The following FOXP2 variants were observed in gnomAD, a reference collection of about 807,000 sequenced individuals.
FOXP2 encodes the protein forkhead box P2.
In FOXP2, 12 loss-of-function variants were observed where a neutral mutation model predicts 115.8. The ratio of observed to expected loss-of-function variants is 0.10; its 90% confidence interval spans 0.07 to 0.17. FOXP2 has a LOEUF of 0.17. Among genes scored for constraint, FOXP2 ranks in the 10% least tolerant of loss-of-function variants. The pLI is 1.00. For missense variants in FOXP2, 629 were observed against 843.5 expected (o/e 0.75, Z 3.15); for synonymous variants, 328 against 297.7 (o/e 1.10, Z -1.05).
At chr7:114,338,077 T>C (rs1463261208) in intron 2 of FOXP2, among the ~76,000 whole-genome samples, 1 of 151,158 alleles carries the variant, frequency 6.6e-6, no homozygotes, top group Non-Finnish European at 1.5e-5. Flanking sequence ...AATGATAGCA[T>C]AGCTTTGGTA....
At chr7:114,187,549 C>A (rs893489288) in intron 1 of FOXP2, among the ~76,000 whole-genome samples, 1 of 152,196 alleles carries the variant, frequency 6.6e-6, no homozygotes, top group Non-Finnish European at 1.5e-5. Flanking sequence ...TTCCCTACAA[C>A]TCTTCTTCTG....
At chr7:114,451,069 T>A (rs987679237) in intron 2 of FOXP2, among the ~76,000 whole-genome samples, 2 of 152,102 alleles carry the variant, frequency 1.3e-5, no homozygotes, top group Non-Finnish European at 2.9e-5. Flanking sequence ...TGTTTTATAA[T>A]CATCAACTAA....
At chr7:114,623,890 T>C (rs1804388224) in intron 3 of FOXP2, among the ~76,000 whole-genome samples, 1 of 151,922 alleles carries the variant, frequency 6.6e-6, no homozygotes, top group Non-Finnish European at 1.5e-5. Flanking sequence ...TGCTAAAAGA[T>C]TGCGTTAAAT....
intron 1 of FOXP2, among the ~76,000 whole-genome samples, chr7:114,134,314 C>T (rs1791965344): frequency 6.6e-6 from 1 of 151,866 alleles, no homozygotes; most frequent in Non-Finnish European, 1.5e-5. Context: ...TGAGTGTAGT[C>T]CCTTGCTATA....
chr7:114,632,245 A>G (rs1434879525), intron 6 of FOXP2, among the ~76,000 whole-genome samples: 2 of 152,244 alleles, frequency 1.3e-5, no homozygotes, highest in African/African-American at 4.8e-5. Context: ...TTTCTCTCAA[A>G]TAACATTGCC....
chr7:114,654,449 G>T (rs929270759), intron 10 of FOXP2, among the ~76,000 whole-genome samples: 2 of 152,070 alleles, frequency 1.3e-5, no homozygotes, highest in South Asian at 2.1e-4. Context: ...TGTCATAAAG[G>T]TCATGGTATT....
At chr7:114,286,618 A>G (rs1194535788) in intron 1 of FOXP2, among the ~76,000 whole-genome samples, 1 of 152,074 alleles carries the variant, frequency 6.6e-6, no homozygotes, top group Non-Finnish European at 1.5e-5. Flanking sequence ...TAATGTAGAA[A>G]ATTTTATTGT....
At chr7:114,481,241 C>T (rs1286488293) in intron 2 of FOXP2, among the ~76,000 whole-genome samples, 2 of 150,724 alleles carry the variant, frequency 1.3e-5, no homozygotes, top group Non-Finnish European at 3.0e-5. Context: ...CCCTCCTGCC[C>T]CCTCATGTAC....
intron 1 of FOXP2, among the ~76,000 whole-genome samples, chr7:114,199,442 A>C (rs1794001835): frequency 6.6e-6 from 1 of 152,180 alleles, no homozygotes; most frequent in Non-Finnish European, 1.5e-5. Context: ...TCAATACCAG[A>C]TATATTATCT....
At chr7:114,681,165 A>G (rs555965483) in intron 16 of FOXP2, among the ~76,000 whole-genome samples, 1 of 152,314 alleles carries the variant, frequency 6.6e-6, no homozygotes, top group South Asian at 2.1e-4. Context: ...TGTGCCTTAT[A>G]TATAGAAGAT....
At chr7:114,087,573 G>T (rs1292085148), upstream of FOXP2, among the ~76,000 whole-genome samples, 6 of 150,116 alleles carry the variant, frequency 4.0e-5, no homozygotes, top group African/African-American at 1.5e-4. Context: ...GCAGGCGGGC[G>T]GGCAGAGCGC....
In FOXP2 at chr7:114,642,616, C is replaced by G; in HGVS notation, c.982C>G (p.Arg328Gly). ...NGQSSVLSAR[R>G]DSSSHEETGA... Reference sequence around the variant, plus strand: ...ACAGTCTTCAGTTCTAAGTGCAAGACGAGACAGGTAAATCTCATGAGCTTT... The same window carrying G: ...ACAGTCTTCAGTTCTAAGTGCAAGAGGAGACAGGTAAATCTCATGAGCTTT... The change falls in exon 7 of 17, where the codon CGA becomes GGA. Residue 328 changes from arginine (R) to glycine (G), a missense_variant. Around this residue, in one of 9 missense-constraint regions of FOXP2, gnomAD observed 92 missense variants for 80.1 expected, o/e 1.15. Coordinates refer to ENST00000350908, the MANE Select transcript of FOXP2 (RefSeq NM_014491.4). The G allele has an allele frequency of 6.2e-7, 1 of 1,612,124 alleles. No homozygotes were observed.
At chr7:114,219,955 C>T (rs985471645) in intron 1 of FOXP2, among the ~76,000 whole-genome samples, 5 of 151,978 alleles carry the variant, frequency 3.3e-5, no homozygotes, top group African/African-American at 9.7e-5. Flanking sequence ...CAACCTCCGC[C>T]TCCCGGGTTC....
At chr7:114,534,848 T>C in intron 3 of FOXP2, 142 bp downstream of exon 3, 1 of 707,162 alleles carries the variant, frequency 1.4e-6, no homozygotes. Context: ...GAGAATTCAT[T>C]TTATCTTCTT....
chr7:114,370,481 C>T (rs1419339179), intron 2 of FOXP2, among the ~76,000 whole-genome samples: 1 of 152,146 alleles, frequency 6.6e-6, no homozygotes, highest in Non-Finnish European at 1.5e-5. Context: ...TGTCTGGTGG[C>T]CTCATTATGG....
intron 1 of FOXP2, among the ~76,000 whole-genome samples, chr7:114,266,066 T>G (rs776745325): frequency 6.7e-6 from 1 of 149,728 alleles, no homozygotes; most frequent in Non-Finnish European, 1.5e-5. Context: ...ATATTAGCAC[T>G]TCAATGAAAA....
In FOXP2 at chr7:114,523,554, C is replaced by T. The variant is rs28515770; in HGVS notation, c.169-11063C>T. 4.1e-3 allele frequency among the ~76,000 whole-genome samples: 630 copies of T among 152,244 alleles called. 6 individuals are homozygous for T. Among genetic ancestry groups the T allele is most frequent in the African/African-American group, 0.014 (583 of 41,546 alleles). ...TGTCTTGGGGTTTCTGGCTACTGAT[C>T]CTCATCATTTCTGAAAGGAAGGTGA... On this transcript the variant is annotated intron_variant, in intron 2 of 16. Transcript: ENST00000350908.
intron 2 of FOXP2, among the ~76,000 whole-genome samples, chr7:114,317,618 G>T (rs1250213108): frequency 6.6e-6 from 1 of 152,004 alleles, no homozygotes; most frequent in Non-Finnish European, 1.5e-5. Flanking sequence ...TTGATCCCCT[G>T]CAGTCTGTTT....
chr7:114,686,348 T>C (rs550921378), intron 16 of FOXP2, among the ~76,000 whole-genome samples: 77 of 152,200 alleles, frequency 5.1e-4, no homozygotes, highest in African/African-American at 1.8e-3. Context: ...AATTTTTGTA[T>C]TTTTATTAGA....
Sources: gnomAD v4.1 joint callset for allele counts (sites outside exome capture counted in the v4.1 genomes callset) on GRCh38, gnomAD v4.1.1 for gene constraint, gnomAD v4.1.1 regional missense constraint, MANE v1.5 for transcripts, NCBI Gene and HGNC (gene_info 2026-07-23, HGNC 2026-07-21) for gene names.